PTDSS1: variants seen among roughly 807,000 people sequenced by gnomAD.
PTDSS1 encodes PSS-1.
In PTDSS1, 45 loss-of-function variants were observed where a neutral mutation model predicts 70.5. The observed-to-expected ratio is 0.64, with a 90% CI of 0.50 to 0.82. The LOEUF (loss-of-function observed/expected upper bound fraction) is 0.82, where lower values mean the gene tolerates loss of function less well. Ranked by LOEUF, PTDSS1 falls within the 40% of genes least tolerant of loss-of-function variation. The pLI is 0.00. For missense variants in PTDSS1, 417 were observed against 586.1 expected, an observed-to-expected ratio of 0.71 and a Z score of 2.98; for synonymous variants, 188 against 203.8, an observed-to-expected ratio of 0.92 and a Z score of 0.66.
At position 96,331,112 on chromosome 8, in the gene PTDSS1, C is replaced by A; in HGVS notation, c.1312+17C>A. ...GGACAAAAGGTATCTTGTTCTTGTT[C>A]GTTGTTTAAAATTTTACTGGGTCCT... On this transcript the variant is annotated intron_variant, in intron 12 of 12. Transcript: ENST00000517309. The A allele has an allele frequency of 6.9e-7, 1 of 1,454,440 alleles. No homozygotes were observed. The highest frequency in any genetic ancestry group is 9.6e-7 in the Non-Finnish European group (1 of 1,038,748). 90.1% of individuals were successfully genotyped at this position (1,454,440 alleles called of 1,614,324 possible).
chr8:96,312,428 C>G (rs1811225532), intron 9 of PTDSS1, among the ~76,000 whole-genome samples: 1 of 151,180 alleles, frequency 6.6e-6, no homozygotes, highest in South Asian at 2.1e-4. Context: ...CTCTGCACTC[C>G]CACCCGGATG....
chr8:96,279,915 C>G (rs752530904), intron 2 of PTDSS1, among the ~76,000 whole-genome samples: 1 of 151,984 alleles, frequency 6.6e-6, no homozygotes, highest in Non-Finnish European at 1.5e-5. Flanking sequence ...CTCAAATTTT[C>G]CTAGAAGAAC....
At chr8:96,269,749 G>T (rs1450120308) in intron 1 of PTDSS1, among the ~76,000 whole-genome samples, 4 of 152,158 alleles carry the variant, frequency 2.6e-5, no homozygotes, top group Non-Finnish European at 4.4e-5. Context: ...TCAGGGCAAG[G>T]CTATACTAAG....
At chr8:96,303,880 C>T (rs939938150) in intron 6 of PTDSS1, among the ~76,000 whole-genome samples, 160 bp from the exon 7 acceptor site, 1 of 152,100 alleles carries the variant, frequency 6.6e-6, no homozygotes. Context: ...CCTGCTTTAC[C>T]TGTATAGAGA....
At chr8:96,267,405 C>T (rs1039629531) in intron 1 of PTDSS1, among the ~76,000 whole-genome samples, 2 of 152,154 alleles carry the variant, frequency 1.3e-5, no homozygotes, top group African/African-American at 4.8e-5. Context: ...GTTCCCAAGC[C>T]TTTGCTCAGC....
intron 10 of PTDSS1, among the ~76,000 whole-genome samples, chr8:96,325,228 C>T (rs1277294224): frequency 6.6e-6 from 1 of 152,208 alleles, no homozygotes; most frequent in Non-Finnish European, 1.5e-5. Flanking sequence ...AGTTAAGTGG[C>T]AGAACCAGGA....
chr8:96,284,015 C>G, intron 2 of PTDSS1, 94 bp from the exon 3 acceptor site: 4 of 949,698 alleles, frequency 4.2e-6, no homozygotes, highest in Non-Finnish European at 6.3e-6. Flanking sequence ...AGAGCTTTTT[C>G]TTCTTGTTAT....
At position 96,331,046 on chromosome 8, in the gene PTDSS1, T is replaced by C. The variant is rs1384154844; in HGVS notation, c.1263T>C (p.Asp421=). 1 of 1,613,556 alleles carries C rather than the reference T, an allele frequency of 6.2e-7. No individual in the cohort carries two copies. Among genetic ancestry groups the C allele is most frequent in the African/African-American group, 1.3e-5 (1 of 75,042 alleles). The change falls in exon 12 of 13, where the codon GAT becomes GAC. Residue 421 remains aspartate (D), a synonymous_variant. Transcript: ENST00000517309. ...HREKTYSECE[D]GTYSPEISWH... is the part of the protein sequence containing the mutation. ...CCTAGACCTACTCGGAGTGTGAAGATGGCACCTACAGTCCAGAGATCTCCT... is the reference window on the plus strand; with the variant it reads ...CCTAGACCTACTCGGAGTGTGAAGACGGCACCTACAGTCCAGAGATCTCCT...
chr8:96,297,415 T>C (rs2130085564), intron 5 of PTDSS1, among the ~76,000 whole-genome samples: 1 of 152,208 alleles, frequency 6.6e-6, no homozygotes, highest in Admixed American at 6.5e-5. Context: ...TGACCTCAGG[T>C]GATCCACCTG....
Position 96,273,403 on chromosome 8 carries a change from A to T in PTDSS1, c.271+13A>T. 1 of 1,563,470 alleles carries T rather than the reference A, an allele frequency of 6.4e-7. No homozygotes were observed. The highest frequency in any genetic ancestry group is 8.8e-7 in the Non-Finnish European group (1 of 1,142,130). ...GCTTTCCCCAATGGTAAGTAATGTC[A>T]TGCATTACCACATTTCTCCTATATT... On this transcript the variant is annotated intron_variant, in intron 2 of 12. Coordinates refer to ENST00000517309, the MANE Select transcript of PTDSS1 (RefSeq NM_014754.3).
chr8:96,277,441 G>A (rs892701578), intron 2 of PTDSS1, among the ~76,000 whole-genome samples: 18 of 152,224 alleles, frequency 1.2e-4, no homozygotes, highest in African/African-American at 3.9e-4. Flanking sequence ...GTCTCTGTGA[G>A]TGGAGTGTAC....
chr8:96,265,666 CG>C (rs1358740021), intron 1 of PTDSS1, among the ~76,000 whole-genome samples: 1 of 152,094 alleles, frequency 6.6e-6, no homozygotes, highest in Non-Finnish European at 1.5e-5. Flanking sequence ...TGAAGTAAGA[CG>C]ATCACCTGAG....
At chr8:96,289,573 C>G (rs1042296401) in intron 4 of PTDSS1, among the ~76,000 whole-genome samples, 6 of 152,198 alleles carry the variant, frequency 3.9e-5, no homozygotes, top group Admixed American at 3.9e-4. Flanking sequence ...CAATATCACA[C>G]TATTTTATAC....
chr8:96,298,529 A>T (rs1423975860), intron 5 of PTDSS1, among the ~76,000 whole-genome samples: 1 of 152,012 alleles, frequency 6.6e-6, no homozygotes, highest in Non-Finnish European at 1.5e-5. Context: ...TCCACCCTTG[A>T]TCTTACTGTT....
Position 96,295,078 on chromosome 8 carries a change from C to G in PTDSS1, c.442-20C>G, listed in dbSNP as rs1053360202. On this transcript the variant is annotated intron_variant, in intron 4 of 12. Transcript: ENST00000517309. ...GATTTCTAGAGTTTCACTAATTATT[C>G]TCTTTTTTATTTTAAATAGGAGTAT... The G allele has an allele frequency of 1.1e-5, 18 of 1,582,342 alleles. No homozygotes were observed. The African/African-American group carries it at 1.9e-4, about 17-fold the overall frequency.
rs369037212 is a variant in PTDSS1 at position 96,332,684 on chromosome 8, TAAAA to T, written c.1313-769_1313-766del. Among the ~76,000 whole-genome samples the T allele has an allele frequency of 3.9e-3, 592 of 152,270 alleles. 3 individuals carry two copies. The highest frequency in any genetic ancestry group is 0.013 in the African/African-American group (560 of 41,568). On this transcript the variant is annotated intron_variant, in intron 12 of 12. Transcript: ENST00000517309. ...GAGATGTATTTACTTGATGGAATAA[TAAAA>T]AAAGAAAAATAACAAAAACAGAAGT... is the stretch of plus-strand genomic sequence containing the variant.
chr8:96,307,548 C>G (rs1299464543), intron 8 of PTDSS1, among the ~76,000 whole-genome samples: 2 of 150,306 alleles, frequency 1.3e-5, no homozygotes, highest in Non-Finnish European at 3.0e-5. Flanking sequence ...GCCTAACATT[C>G]CCATCTGTTC....
At chr8:96,286,897 G>A (rs1810830279) in intron 3 of PTDSS1, 125 bp from the exon 4 acceptor site, 8 of 1,222,310 alleles carry the variant, frequency 6.5e-6, no homozygotes, top group African/African-American at 3.0e-5. Context: ...TATAAGAGGA[G>A]TCTTGACAGG....
intron 5 of PTDSS1, among the ~76,000 whole-genome samples, chr8:96,296,281 G>A (rs1395617738): frequency 2.0e-5 from 3 of 151,892 alleles, no homozygotes; most frequent in Non-Finnish European, 2.9e-5. Context: ...TGGAACTACA[G>A]GCGTGTGCCA....
Sources: allele counts gnomAD v4.1 joint callset (sites outside exome capture counted in the v4.1 genomes callset), GRCh38; gene constraint gnomAD v4.1.1; transcripts MANE v1.5; gene names NCBI Gene and HGNC (gene_info 2026-07-23, HGNC 2026-07-21).